DRC8: variants seen among roughly 807,000 people sequenced by gnomAD.
DRC8 encodes the protein dynein regulatory complex subunit 8.
At chr1:244,997,853 C>T in the DRC8 span, among the ~76,000 whole-genome samples, 3 of 151,890 alleles carry the variant, frequency 2.0e-5, no homozygotes, top group Admixed American at 1.3e-4. Flanking sequence ...CCCTGAAATT[C>T]GTGTCATCTT....
chr1:245,069,049 T>C, the DRC8 span, among the ~76,000 whole-genome samples: 1 of 152,180 alleles, frequency 6.6e-6, no homozygotes, highest in Non-Finnish European at 1.5e-5. Flanking sequence ...TACTATAACA[T>C]GGATGAAACT....
At chr1:245,100,216 C>G in the DRC8 span, among the ~76,000 whole-genome samples, 1 of 151,958 alleles carries the variant, frequency 6.6e-6, no homozygotes, top group Non-Finnish European at 1.5e-5. Context: ...GAAACCCAGT[C>G]TCTACTAAAA....
At chr1:245,017,317 T>C in the DRC8 span, 3 of 1,598,858 alleles carry the variant, frequency 1.9e-6, no homozygotes, top group Non-Finnish European at 2.6e-6. Flanking sequence ...AATAATACAG[T>C]GGATGTGAGG....
the DRC8 span, among the ~76,000 whole-genome samples, chr1:244,998,214 T>G: frequency 1.9e-3 from 288 of 152,260 alleles, 2 homozygotes; most frequent in African/African-American, 6.5e-3. Context: ...ATTTTATTTT[T>G]CTTTTTTCTT....
At chr1:245,119,568 G>A in the DRC8 span, among the ~76,000 whole-genome samples, 1,871 of 152,126 alleles carry the variant, frequency 0.012, 46 homozygotes, top group African/African-American at 0.043. Context: ...GGAGGCTAAG[G>A]CAGGAGGCTG....
chr1:245,080,285 A>G, the DRC8 span, among the ~76,000 whole-genome samples: 2 of 152,178 alleles, frequency 1.3e-5, no homozygotes, highest in African/African-American at 2.4e-5. Context: ...GTTAAGGTCA[A>G]TGGTGTTTTG....
the DRC8 span, among the ~76,000 whole-genome samples, chr1:244,979,770 C>T: frequency 6.6e-6 from 1 of 151,706 alleles, no homozygotes; most frequent in African/African-American, 2.4e-5. Context: ...TGTAATAGCA[C>T]AGAGAACAAG....
chr1:245,047,489 G>A, the DRC8 span, among the ~76,000 whole-genome samples: 1 of 151,718 alleles, frequency 6.6e-6, no homozygotes, highest in African/African-American at 2.4e-5. Context: ...ACAAAACTTA[G>A]CCAGGCGTGG....
the DRC8 span, chr1:244,970,231 C>G: frequency 1.3e-6 from 1 of 752,874 alleles, no homozygotes; most frequent in South Asian, 1.5e-5. Context: ...AGGGTCGTGG[C>G]GCGAAACGGG....
the DRC8 span, among the ~76,000 whole-genome samples, chr1:245,093,229 T>C: frequency 3.9e-5 from 6 of 152,184 alleles, no homozygotes; most frequent in Non-Finnish European, 8.8e-5. Context: ...CTATTAATTA[T>C]AAGGCGTTAA....
the DRC8 span, among the ~76,000 whole-genome samples, chr1:245,056,101 G>A: frequency 1.3e-5 from 2 of 152,102 alleles, no homozygotes; most frequent in Non-Finnish European, 2.9e-5. Flanking sequence ...GATTCAAAAG[G>A]TAGATGCTGA....
At chr1:245,082,984 CA>C in the DRC8 span, among the ~76,000 whole-genome samples, 11 of 152,274 alleles carry the variant, frequency 7.2e-5, no homozygotes, top group East Asian at 2.1e-3. Flanking sequence ...GCTGGGATTA[CA>C]GGCATGAGCC....
chr1:245,105,373 C>T, the DRC8 span, among the ~76,000 whole-genome samples: 4 of 151,852 alleles, frequency 2.6e-5, no homozygotes, highest in African/African-American at 7.3e-5. Context: ...ATCATTCCTT[C>T]TTCATTTATG....
chr1:244,978,628 T>G, the DRC8 span, among the ~76,000 whole-genome samples: 1 of 152,150 alleles, frequency 6.6e-6, no homozygotes, highest in South Asian at 2.1e-4. Flanking sequence ...TAGCTGGGAC[T>G]GCAGGGGCGT....
chr1:245,021,876 T>C, the DRC8 span, among the ~76,000 whole-genome samples: 1 of 152,222 alleles, frequency 6.6e-6, no homozygotes, highest in Non-Finnish European at 1.5e-5. Context: ...GCTCTCTTTA[T>C]GTTGCCCAGG....
the DRC8 span, among the ~76,000 whole-genome samples, chr1:244,989,344 G>A: frequency 2.0e-5 from 3 of 152,144 alleles, no homozygotes; most frequent in Non-Finnish European, 4.4e-5. Context: ...TTACCATTTA[G>A]TTGCTATGGC....
chr1:245,047,651 C>G, the DRC8 span, among the ~76,000 whole-genome samples: 2 of 90,168 alleles, frequency 2.2e-5, no homozygotes, highest in African/African-American at 3.9e-5. Flanking sequence ...AAAAAAAAAA[C>G]GAAAAAGAAA....
chr1:245,021,284 G>C, the DRC8 span, among the ~76,000 whole-genome samples: 1 of 152,004 alleles, frequency 6.6e-6, no homozygotes, highest in African/African-American at 2.4e-5. Context: ...GATAATTTTT[G>C]ATAGTTTGTA....
At chr1:244,988,985 G>A in the DRC8 span, among the ~76,000 whole-genome samples, 1 of 152,174 alleles carries the variant, frequency 6.6e-6, no homozygotes, top group African/African-American at 2.4e-5. Flanking sequence ...AGGTGGTCTG[G>A]TTCTAGAGTC....
Sources: gnomAD v4.1 joint callset for allele counts (sites outside exome capture counted in the v4.1 genomes callset) on GRCh38, gnomAD v4.1.1 for gene constraint, MANE v1.5 for transcripts, NCBI Gene and HGNC (gene_info 2026-07-23, HGNC 2026-07-21) for gene names.